Variants in CAMK1D observed in about 807,000 individuals in gnomAD.
The protein encoded by CAMK1D is calcium/calmodulin dependent protein kinase ID, also known as calcium/calmodulin-dependent protein kinase type 1D.
CAMK1D carries 9 observed loss-of-function variants against 47.7 expected under a neutral mutation model. That is an observed-to-expected ratio of 0.19 (90% CI 0.11 to 0.33). The LOEUF (loss-of-function observed/expected upper bound fraction) is 0.33, where lower values mean the gene tolerates loss of function less well. Ranked by LOEUF, CAMK1D falls within the 10% of genes least tolerant of loss-of-function variation. The probability of loss-of-function intolerance (pLI) is 1.00; values close to 1 mark genes in which losing one functional copy is unlikely to be tolerated. For missense variants in CAMK1D, 291 were observed against 488.7 expected (o/e 0.60, Z 3.81); for synonymous variants, 184 against 184.9 (o/e 0.99, Z 0.04).
Position 12,417,154 on chromosome 10 carries a change from A to G in CAMK1D, c.92+67244A>G, listed in dbSNP as rs190596679. On this transcript the variant is annotated intron_variant, in intron 1 of 10. Coordinates refer to ENST00000619168, the MANE Select transcript of CAMK1D (RefSeq NM_153498.4). ...TTACCTCAGTGCCTGGCATATAGCAAGTTTTCAAAAAATATTAGCTGTTAA... is the reference window on the plus strand; with the variant it reads ...TTACCTCAGTGCCTGGCATATAGCAGGTTTTCAAAAAATATTAGCTGTTAA... 1.5e-3 allele frequency among the ~76,000 whole-genome samples: 235 copies of G among 152,298 alleles called. 1 individual carries two copies. Among genetic ancestry groups the G allele is most frequent in the African/African-American group, 5.1e-3 (211 of 41,570 alleles).
At chr10:12,558,514 G>GT (rs1391371421) in intron 2 of CAMK1D, among the ~76,000 whole-genome samples, 4 of 151,616 alleles carry the variant, frequency 2.6e-5, no homozygotes, top group Admixed American at 2.6e-4. Context: ...AGATCGTGCC[G>GT]TTGCACTCCA....
intron 3 of CAMK1D, among the ~76,000 whole-genome samples, chr10:12,690,678 A>G (rs748525794): frequency 5.9e-5 from 9 of 152,126 alleles, no homozygotes; most frequent in African/African-American, 1.7e-4. Flanking sequence ...AAGGTCTGTG[A>G]CTGTTTATGA....
intron 1 of CAMK1D, among the ~76,000 whole-genome samples, chr10:12,472,775 G>A (rs1474089585): frequency 6.6e-6 from 1 of 152,142 alleles, no homozygotes; most frequent in African/African-American, 2.4e-5. Flanking sequence ...ACCCGCCTCG[G>A]CCTCCCAAAG....
chr10:12,546,914 A>T (rs908890571), intron 1 of CAMK1D, among the ~76,000 whole-genome samples: 8 of 152,138 alleles, frequency 5.3e-5, no homozygotes, highest in Admixed American at 6.5e-5. Context: ...GATATGTAAC[A>T]AACCTGCACG....
intron 1 of CAMK1D, among the ~76,000 whole-genome samples, chr10:12,539,297 A>G (rs1167200431): frequency 6.6e-6 from 1 of 152,012 alleles, no homozygotes; most frequent in African/African-American, 2.4e-5. Flanking sequence ...GAGTGTATTG[A>G]TGTGTGTTTA....
At chr10:12,675,925 C>T (rs1840792501) in intron 3 of CAMK1D, among the ~76,000 whole-genome samples, 1 of 151,992 alleles carries the variant, frequency 6.6e-6, no homozygotes, top group African/African-American at 2.4e-5. Context: ...GCTGGAATCG[C>T]TTATCTTTTT....
intron 2 of CAMK1D, among the ~76,000 whole-genome samples, chr10:12,606,890 C>T (rs772691309): frequency 6.6e-6 from 1 of 151,966 alleles, no homozygotes; most frequent in Non-Finnish European, 1.5e-5. Context: ...TGCCGTGGCG[C>T]AGTCTCAGCT....
chr10:12,615,541 T>A (rs976970827), intron 2 of CAMK1D, among the ~76,000 whole-genome samples: 1 of 148,374 alleles, frequency 6.7e-6, no homozygotes, highest in Non-Finnish European at 1.5e-5. Context: ...TGTGCATGTG[T>A]ACATGTGTAG....
At chr10:12,571,465 A>AG (rs201544452) in intron 2 of CAMK1D, among the ~76,000 whole-genome samples, 8,250 of 149,950 alleles carry the variant, frequency 0.055, 737 homozygotes, top group African/African-American at 0.18. Context: ...AAAAAAAAAA[A>AG]AAAAAAGAAA....
At chr10:12,536,491 C>G (rs184110875) in intron 1 of CAMK1D, among the ~76,000 whole-genome samples, 34 of 152,274 alleles carry the variant, frequency 2.2e-4, no homozygotes, top group Admixed American at 1.3e-3. Flanking sequence ...GTTGGCCAGG[C>G]TGGCCTCGCT....
At chr10:12,545,435 CG>C (rs1836331872) in intron 1 of CAMK1D, among the ~76,000 whole-genome samples, 1 of 122,034 alleles carries the variant, frequency 8.2e-6, no homozygotes, top group African/African-American at 3.3e-5. Context: ...GGTGACAGAG[CG>C]AGACTCCATC....
intron 1 of CAMK1D, among the ~76,000 whole-genome samples, chr10:12,379,667 T>A (rs1173201962): frequency 1.3e-5 from 2 of 151,272 alleles, no homozygotes; most frequent in African/African-American, 4.9e-5. Flanking sequence ...GTAGGAGAAT[T>A]GCTTGAACCC....
intron 2 of CAMK1D, among the ~76,000 whole-genome samples, chr10:12,652,876 G>T (rs1174165491): frequency 6.6e-6 from 1 of 152,206 alleles, no homozygotes; most frequent in Non-Finnish European, 1.5e-5. Flanking sequence ...AAAACATGCT[G>T]CTCTTTTTAA....
chr10:12,553,100 T>G, intron 1 of CAMK1D, 125 bp from the exon 2 acceptor site: 1 of 1,530,532 alleles, frequency 6.5e-7, no homozygotes, highest in Admixed American at 2.0e-5. Context: ...TGGATAAAAG[T>G]AACAGTAATG....
chr10:12,489,654 G>A (rs1394179857), intron 1 of CAMK1D, among the ~76,000 whole-genome samples: 1 of 152,088 alleles, frequency 6.6e-6, no homozygotes, highest in African/African-American at 2.4e-5. Context: ...CGGAGGTTGG[G>A]GATGCCTGGT....
rs79739153 is a variant in CAMK1D at position 12,656,582 on chromosome 10, A to G, written c.225-10154A>G. ...TTTGTTTATAAGGATTCAAGGAAAA[A>G]CTCATTTCACAATCAGTATCAACAT... On this transcript the variant is annotated intron_variant, in intron 2 of 10. Coordinates refer to ENST00000619168, the MANE Select transcript of CAMK1D (RefSeq NM_153498.4). 4.6e-4 allele frequency among the ~76,000 whole-genome samples: 70 copies of G among 152,220 alleles called. 2 individuals carry two copies. In the East Asian group the frequency reaches 0.013, roughly 27 times the overall value.
At chr10:12,480,949 C>T (rs748650702) in intron 1 of CAMK1D, among the ~76,000 whole-genome samples, 7 of 152,214 alleles carry the variant, frequency 4.6e-5, no homozygotes, top group Non-Finnish European at 1.0e-4. Flanking sequence ...CCTTAACCTC[C>T]AACAGCCCTT....
chr10:12,641,633 A>G (rs1839669671), intron 2 of CAMK1D, among the ~76,000 whole-genome samples: 1 of 150,916 alleles, frequency 6.6e-6, no homozygotes, highest in Admixed American at 6.6e-5. Flanking sequence ...AAAAAAAAGC[A>G]AAGAAAAAAA....
intron 5 of CAMK1D, among the ~76,000 whole-genome samples, chr10:12,775,032 G>A (rs1837220011): frequency 6.6e-6 from 1 of 151,346 alleles, no homozygotes; most frequent in African/African-American, 2.5e-5. Context: ...TTGATCAGGT[G>A]AGACTGTGAG....
Sources: gnomAD v4.1 joint callset for allele counts (sites outside exome capture counted in the v4.1 genomes callset) on GRCh38, gnomAD v4.1.1 for gene constraint, MANE v1.5 for transcripts, NCBI Gene and HGNC (gene_info 2026-07-23, HGNC 2026-07-21) for gene names.